The following DNAH5 variants were observed in gnomAD, a reference collection of about 807,000 sequenced individuals.
DNAH5 encodes the protein dynein axonemal heavy chain 5, also known as axonemal beta dynein heavy chain 5.
DNAH5 carries 372 observed loss-of-function variants against 518.2 expected under a neutral mutation model. That is an observed-to-expected ratio of 0.72 (90% CI 0.66 to 0.78). The LOEUF (loss-of-function observed/expected upper bound fraction) is 0.78, where lower values mean the gene tolerates loss of function less well. Ranked by LOEUF, DNAH5 falls within the 30% of genes least tolerant of loss-of-function variation. DNAH5 has a pLI of 0.00. For synonymous variants in DNAH5, 2,039 were observed against 2,025.9 expected (o/e 1.01, Z -0.17); for missense variants, 5,523 against 5,687.0 (o/e 0.97, Z 0.93).
intron 41 of DNAH5, among the ~76,000 whole-genome samples, chr5:13,819,825 T>C (rs1461291102): frequency 6.6e-6 from 1 of 152,194 alleles, no homozygotes; most frequent in East Asian, 1.9e-4. Context: ...GGGAAGGTAA[T>C]TTATGATTGG....
chr5:13,792,503 T>A (rs1580268177), intron 49 of DNAH5, among the ~76,000 whole-genome samples: 2 of 152,214 alleles, frequency 1.3e-5, no homozygotes, highest in East Asian at 3.8e-4. Context: ...GTAACAATGA[T>A]AAATGCATGA....
intron 65 of DNAH5, among the ~76,000 whole-genome samples, chr5:13,745,148 C>A (rs1749154169): frequency 6.6e-6 from 1 of 152,044 alleles, no homozygotes; most frequent in African/African-American, 2.4e-5. Flanking sequence ...CATTTTTCTC[C>A]CAATGGAACA....
chr5:13,999,936 T>TA (rs1354581904), intron 1 of DNAH5, among the ~76,000 whole-genome samples: 3 of 152,186 alleles, frequency 2.0e-5, no homozygotes, highest in African/African-American at 7.2e-5. Flanking sequence ...ACTTTTACAT[T>TA]AAAAAACAAT....
chr5:13,816,581 C>G (rs1761481522), intron 42 of DNAH5, among the ~76,000 whole-genome samples: 2 of 149,756 alleles, frequency 1.3e-5, no homozygotes. Flanking sequence ...AACCTCTGCG[C>G]TCTTGTTCTT....
chr5:13,925,997 G>T (rs1381747320), intron 3 of DNAH5, among the ~76,000 whole-genome samples: 2 of 152,152 alleles, frequency 1.3e-5, no homozygotes, highest in Non-Finnish European at 2.9e-5. Flanking sequence ...GTCTCCTGGA[G>T]TTTAGGAACA....
At chr5:13,852,994 T>C (rs1252131826) in intron 30 of DNAH5, among the ~76,000 whole-genome samples, 1 of 152,212 alleles carries the variant, frequency 6.6e-6, no homozygotes, top group East Asian at 1.9e-4. Context: ...GAGCAGCAGA[T>C]CTCCCAGCAC....
intron 51 of DNAH5, among the ~76,000 whole-genome samples, chr5:13,786,989 G>A (rs77219477): frequency 0.25 from 37,453 of 152,016 alleles, 4,769 homozygotes; most frequent in Middle Eastern, 0.35. Context: ...AGAGGCCAAG[G>A]TGGGCAGATC....
At chr5:13,855,500 G>T (rs556227808) in intron 30 of DNAH5, among the ~76,000 whole-genome samples, 1 of 48,256 alleles carries the variant, frequency 2.1e-5, no homozygotes, top group African/African-American at 6.6e-5. Context: ...GAGCCACCGC[G>T]CCCGGCCATA....
At chr5:13,716,326 C>T (rs1744275128) in intron 74 of DNAH5, among the ~76,000 whole-genome samples, 161 bp downstream of exon 74, 1 of 152,132 alleles carries the variant, frequency 6.6e-6, no homozygotes, top group South Asian at 2.1e-4. Flanking sequence ...TTTAATCATC[C>T]ATTGAGTATA....
intron 47 of DNAH5, among the ~76,000 whole-genome samples, chr5:13,801,195 G>A (rs938486624): frequency 2.0e-5 from 3 of 152,004 alleles, no homozygotes; most frequent in East Asian, 1.9e-4. Context: ...GGTTTCTAAC[G>A]GTTTAGCACT....
At chr5:13,755,072 G>A (rs893337534) in intron 61 of DNAH5, among the ~76,000 whole-genome samples, 3 of 152,002 alleles carry the variant, frequency 2.0e-5, no homozygotes, top group African/African-American at 7.2e-5. Flanking sequence ...AACCTGGGAG[G>A]TGGAGATTGC....
At chr5:13,923,529 G>T in intron 3 of DNAH5, 89 bp from the exon 4 acceptor site, 1 of 1,467,888 alleles carries the variant, frequency 6.8e-7, no homozygotes, top group Non-Finnish European at 9.4e-7. Flanking sequence ...TTAAAATATT[G>T]CCATTGTTGA....
At chr5:13,943,103 G>A (rs339446) in intron 1 of DNAH5, among the ~76,000 whole-genome samples, 130,835 of 152,226 alleles carry the variant, frequency 0.86, 56,636 homozygotes, top group Non-Finnish European at 0.91. Flanking sequence ...TTCATGTCAA[G>A]GAAGAATAAT....
intron 59 of DNAH5, among the ~76,000 whole-genome samples, chr5:13,764,310 G>A (rs2896103): frequency 0.31 from 46,581 of 152,000 alleles, 7,624 homozygotes; most frequent in South Asian, 0.44. Flanking sequence ...ACCATTAATC[G>A]AGGGAACAAC....
intron 61 of DNAH5, among the ~76,000 whole-genome samples, chr5:13,758,268 C>T (rs537680888): frequency 9.9e-4 from 150 of 152,140 alleles, no homozygotes; most frequent in Non-Finnish European, 1.9e-3. Flanking sequence ...TTTGGGAGGC[C>T]GAGGCAGGTG....
At chr5:13,849,958 GT>G (rs1385941302) in intron 31 of DNAH5, among the ~76,000 whole-genome samples, 1 of 152,118 alleles carries the variant, frequency 6.6e-6, no homozygotes, top group East Asian at 1.9e-4. Flanking sequence ...GGACAAGCTG[GT>G]TATTCACAGG....
Position 13,883,018 on chromosome 5 carries a change from G to T in DNAH5, c.3060C>A (p.Asn1020Lys). ...CTTCCAGGGCAGGGGCCATGACGATGTTGGGAATGGCCAGAGTGACGCTTG... is the reference window on the plus strand; with the variant it reads ...CTTCCAGGGCAGGGGCCATGACGATTTTGGGAATGGCCAGAGTGACGCTTG... ...FRASVTLAIPNIVMAPALEDV... is the reference protein window; with the variant it reads ...FRASVTLAIPKIVMAPALEDV... Residue 1020 changes from asparagine (N) to lysine (K), a missense_variant, in exon 20 of 79, where the codon AAC (asparagine) becomes AAA (lysine). Around this residue, in one of 3 missense-constraint regions of DNAH5, gnomAD observed 5,121 missense variants for 5,223.3 expected, o/e 0.98. Coordinates refer to ENST00000265104, the MANE Select transcript of DNAH5 (RefSeq NM_001369.3). The T allele has an allele frequency of 6.2e-7, 1 of 1,614,190 alleles. No individual in the cohort carries two copies. Among genetic ancestry groups the T allele is most frequent in the Non-Finnish European group, 8.5e-7 (1 of 1,180,028 alleles).
At chr5:13,831,382 GA>G (rs1310401722) in intron 35 of DNAH5, among the ~76,000 whole-genome samples, 1 of 152,186 alleles carries the variant, frequency 6.6e-6, no homozygotes, top group East Asian at 1.9e-4. Context: ...GCCTGCAAAG[GA>G]AAATTTTTCA....
chr5:13,934,355 C>G (rs1273475892), intron 1 of DNAH5, among the ~76,000 whole-genome samples: 1 of 152,138 alleles, frequency 6.6e-6, no homozygotes, highest in Non-Finnish European at 1.5e-5. Context: ...CCAGCAGAGC[C>G]CAGTCACTCA....
Sources: allele counts gnomAD v4.1 joint callset (sites outside exome capture counted in the v4.1 genomes callset), GRCh38; gene constraint gnomAD v4.1.1; regional missense constraint gnomAD v4.1.1; transcripts MANE v1.5; gene names NCBI Gene and HGNC (gene_info 2026-07-23, HGNC 2026-07-21).